SMAD6: variants seen among roughly 807,000 people sequenced by gnomAD.
The protein encoded by SMAD6 is MAD homolog 6.
A neutral mutation model predicts 39.4 loss-of-function variants in SMAD6; 103 were observed. The observed-to-expected ratio is 2.62, with a 90% confidence interval of 2.23 to 3.08. The LOEUF (loss-of-function observed/expected upper bound fraction) is 3.08, where lower values mean the gene tolerates loss of function less well. Ranked by LOEUF, SMAD6 falls within the 30% of genes most tolerant of loss-of-function variation. The pLI is 0.00. For missense variants in SMAD6, 1,104 were observed against 742.9 expected, an observed-to-expected ratio of 1.49 and a Z score of -5.65; for synonymous variants, 445 against 353.3, an observed-to-expected ratio of 1.26 and a Z score of -2.91.
intron 3 of SMAD6, among the ~76,000 whole-genome samples, chr15:66,779,686 G>C (rs1478638869): frequency 6.6e-6 from 1 of 152,220 alleles, no homozygotes; most frequent in African/African-American, 2.4e-5. Flanking sequence ...TAGAAGTGTT[G>C]TCCTCTGGGA....
intron 3 of SMAD6, among the ~76,000 whole-genome samples, chr15:66,749,531 A>G (rs1893963614): frequency 6.6e-6 from 1 of 152,068 alleles, no homozygotes; most frequent in Non-Finnish European, 1.5e-5. Context: ...GATGGGAGCA[A>G]AGTTGAGCCC....
At position 66,703,940 on chromosome 15, in the gene SMAD6, C is replaced by A. The variant is rs1893046390; in HGVS notation, c.682C>A (p.Arg228Ser). The A allele has an allele frequency of 7.2e-7, 1 of 1,382,562 alleles. No homozygotes were observed. Among genetic ancestry groups the A allele is most frequent in the Non-Finnish European group, 9.4e-7 (1 of 1,066,350 alleles). The allele number at this position is 1,382,562 out of a possible 1,614,324, so 85.6% of individuals were successfully genotyped here. Residue 228 changes from arginine (R) to serine (S), a missense_variant, in exon 1 of 4, where the codon CGC becomes AGC. Coordinates refer to ENST00000288840, the MANE Select transcript of SMAD6 (RefSeq NM_005585.5). ...QPAPPQLLLG[R>S]LFRWPDLQHA... ...CGCGCCGCCGCAGCTGCTGCTCGGC[C>A]GCCTCTTTCGCTGGCCCGACCTGCA...
intron 2 of SMAD6, among the ~76,000 whole-genome samples, chr15:66,715,797 A>AG (rs899491640): frequency 6.6e-6 from 1 of 152,140 alleles, no homozygotes; most frequent in African/African-American, 2.4e-5. Context: ...CCTTAAAAAA[A>AG]AACAGTCCAG....
intron 3 of SMAD6, among the ~76,000 whole-genome samples, chr15:66,759,043 T>TTGAC (rs1894152172): frequency 6.6e-6 from 1 of 152,250 alleles, no homozygotes; most frequent in Admixed American, 6.5e-5. Context: ...TCTGCCACTG[T>TTGAC]AGCCCGAGGA....
intron 3 of SMAD6, among the ~76,000 whole-genome samples, chr15:66,724,676 C>T (rs1294815248): frequency 6.6e-6 from 1 of 152,190 alleles, no homozygotes; most frequent in Non-Finnish European, 1.5e-5. Context: ...GATTCTTGAG[C>T]TTCTGGGGCT....
At chr15:66,751,499 A>G (rs1405715711) in intron 3 of SMAD6, among the ~76,000 whole-genome samples, 4 of 152,102 alleles carry the variant, frequency 2.6e-5, no homozygotes, top group Non-Finnish European at 5.9e-5. Context: ...GGGTGGGTCT[A>G]TTGCTGCCTC....
At chr15:66,738,639 T>G (rs527441897) in intron 3 of SMAD6, among the ~76,000 whole-genome samples, 2 of 152,286 alleles carry the variant, frequency 1.3e-5, no homozygotes, top group South Asian at 4.2e-4. Context: ...TTTTCCATGT[T>G]GCACCCAGGC....
chr15:66,741,878 T>C (rs967735041), intron 3 of SMAD6, among the ~76,000 whole-genome samples: 1 of 152,172 alleles, frequency 6.6e-6, no homozygotes, highest in Admixed American at 6.5e-5. Context: ...TGGACCCTTA[T>C]GTACAGAGGC....
intron 3 of SMAD6, among the ~76,000 whole-genome samples, chr15:66,749,016 C>G (rs75722208): frequency 7.9e-4 from 120 of 152,062 alleles, no homozygotes; most frequent in African/African-American, 2.8e-3. Flanking sequence ...TCTGTTGTGC[C>G]TTCTTGGTTC....
chr15:66,769,931 G>A (rs760679749), intron 3 of SMAD6, among the ~76,000 whole-genome samples: 8 of 152,226 alleles, frequency 5.3e-5, no homozygotes, highest in South Asian at 2.1e-4. Context: ...GGGTTCAAGC[G>A]GTTCTCCTGC....
At chr15:66,732,272 A>G (rs1224874071) in intron 3 of SMAD6, among the ~76,000 whole-genome samples, 2 of 152,064 alleles carry the variant, frequency 1.3e-5, no homozygotes, top group Non-Finnish European at 2.9e-5. Flanking sequence ...CTAATGATGA[A>G]TGATGTTGGA....
At chr15:66,734,543 A>G (rs1404084940) in intron 3 of SMAD6, among the ~76,000 whole-genome samples, 1 of 152,216 alleles carries the variant, frequency 6.6e-6, no homozygotes, top group Admixed American at 6.5e-5. Context: ...ACTTGGCACT[A>G]CCCTTTAGCT....
chr15:66,737,008 T>G (rs1036106433), intron 3 of SMAD6, among the ~76,000 whole-genome samples: 2 of 152,200 alleles, frequency 1.3e-5, no homozygotes, highest in African/African-American at 4.8e-5. Context: ...GAATCTAACA[T>G]GCACCCAGGG....
intron 3 of SMAD6, among the ~76,000 whole-genome samples, chr15:66,739,714 A>T (rs951584161): frequency 6.6e-6 from 1 of 152,352 alleles, no homozygotes; most frequent in South Asian, 2.1e-4. Flanking sequence ...GAAAAGTGCA[A>T]AGAGATGCGG....
At chr15:66,751,098 A>G (rs931402214) in intron 3 of SMAD6, among the ~76,000 whole-genome samples, 2 of 152,202 alleles carry the variant, frequency 1.3e-5, no homozygotes, top group African/African-American at 2.4e-5. Context: ...CTTTTGGAGA[A>G]CAAATACTGA....
At chr15:66,754,270 A>G (rs1208081448) in intron 3 of SMAD6, among the ~76,000 whole-genome samples, 5 of 152,346 alleles carry the variant, frequency 3.3e-5, no homozygotes, top group Admixed American at 2.0e-4. Flanking sequence ...CAGAAAGGTC[A>G]GACCTTTGCC....
At chr15:66,762,136 A>G (rs1460281098) in intron 3 of SMAD6, among the ~76,000 whole-genome samples, 4 of 152,234 alleles carry the variant, frequency 2.6e-5, no homozygotes, top group African/African-American at 4.8e-5. Context: ...TAATGCGTGT[A>G]TAGCCCACTA....
At chr15:66,777,590 C>T (rs956429974) in intron 3 of SMAD6, among the ~76,000 whole-genome samples, 1 of 152,124 alleles carries the variant, frequency 6.6e-6, no homozygotes, top group Non-Finnish European at 1.5e-5. Context: ...TATATGCAGC[C>T]CTGGGATAGA....
intron 3 of SMAD6, among the ~76,000 whole-genome samples, chr15:66,779,394 C>G (rs1296072866): frequency 6.6e-6 from 1 of 152,196 alleles, no homozygotes; most frequent in Non-Finnish European, 1.5e-5. Flanking sequence ...TGGATTACCC[C>G]CCAGCAGACT....
Sources: gnomAD v4.1 joint callset for allele counts (sites outside exome capture counted in the v4.1 genomes callset) on GRCh38, gnomAD v4.1.1 for gene constraint, MANE v1.5 for transcripts, NCBI Gene and HGNC (gene_info 2026-07-23, HGNC 2026-07-21) for gene names.